The following LSAMP variants were observed in gnomAD, a reference collection of about 807,000 sequenced individuals.
LSAMP encodes the protein limbic system-associated membrane protein.
In LSAMP, 7 loss-of-function variants were observed where a neutral mutation model predicts 38.6. The ratio of observed to expected loss-of-function variants is 0.18; its 90% CI spans 0.10 to 0.34. LSAMP has a LOEUF of 0.34. LSAMP is among the 10% of genes least tolerant of loss of function. LSAMP has a pLI of 1.00. For missense variants in LSAMP, 313 were observed against 420.0 expected (o/e 0.75, Z 2.23); for synonymous variants, 154 against 166.8 (o/e 0.92, Z 0.59).
rs1352644063 is a variant in LSAMP, at chr3:116,431,816, G to C, written c.155+13061C>G. On this transcript the variant is annotated intron_variant, in intron 1 of 6. Coordinates refer to ENST00000490035, the MANE Select transcript of LSAMP (RefSeq NM_002338.5). Reference sequence around the variant, plus strand: ...TTAACAAATCACTAGATCTCTTTGTGACTTTGAAAGAAAATAGAAATTTAG... The same window carrying C: ...TTAACAAATCACTAGATCTCTTTGTCACTTTGAAAGAAAATAGAAATTTAG... Among the ~76,000 whole-genome samples the C allele has an allele frequency of 2.0e-5, 3 of 152,054 alleles. No homozygotes were observed. In the East Asian group the frequency reaches 5.8e-4, roughly 29 times the overall value.
At chr3:116,161,689 T>TC (rs1458529965) in intron 1 of LSAMP, among the ~76,000 whole-genome samples, 1 of 152,174 alleles carries the variant, frequency 6.6e-6, no homozygotes, top group African/African-American at 2.4e-5. Flanking sequence ...TTCCAAACTG[T>TC]CTACAGATGG....
chr3:115,839,258 TTTCTTTCCTTCCTTCCTTCC>T lies in LSAMP; in HGVS notation c.919+2567_919+2586del, dbSNP rs1429386012. Among the ~76,000 whole-genome samples, 813 of 105,210 alleles carry T rather than the reference TTTCTTTCCTTCCTTCCTTCC, an allele frequency of 7.7e-3. 21 individuals carry two copies. The highest frequency in any genetic ancestry group is 0.021 in the African/African-American group (611 of 28,474). The allele number at this position is 105,210 out of a possible 152,430, so 69.0% of individuals were successfully genotyped here. A position where few individuals can be genotyped will look rare whatever the true frequency, so the allele number is the denominator to read the frequency against. On this transcript the variant is annotated intron_variant, in intron 6 of 6. Transcript: ENST00000490035. ...CCTTCTTTCCTTCCTTCCTTCCTTC[TTTCTTTCCTTCCTTCCTTCC>T]TTCCTTCCTTCCTTCCTTCCTTCCT...
chr3:115,874,930 C>A (rs6783331), intron 3 of LSAMP, among the ~76,000 whole-genome samples: 29,359 of 151,750 alleles, frequency 0.19, 3,711 homozygotes, highest in African/African-American at 0.34. Context: ...AGAGAATGAA[C>A]GTTTTCCTCA....
intron 1 of LSAMP, among the ~76,000 whole-genome samples, chr3:116,426,188 A>G (rs574038790): frequency 2.6e-5 from 4 of 152,210 alleles, no homozygotes; most frequent in African/African-American, 9.6e-5. Context: ...ACCAGAAAGT[A>G]AGAACTCAAC....
At chr3:116,298,446 T>C (rs1274990676) in intron 1 of LSAMP, among the ~76,000 whole-genome samples, 2 of 150,068 alleles carry the variant, frequency 1.3e-5, no homozygotes, top group Non-Finnish European at 3.0e-5. Flanking sequence ...AAACTGGGAG[T>C]TAGGAGGCTT....
At chr3:116,113,520 G>A (rs981104110) in intron 1 of LSAMP, among the ~76,000 whole-genome samples, 99 of 139,592 alleles carry the variant, frequency 7.1e-4, no homozygotes, top group Middle Eastern at 7.7e-3. Flanking sequence ...CCGCCTCCCG[G>A]GTTCACGCCA....
At chr3:116,315,161 A>G (rs895340535) in intron 1 of LSAMP, among the ~76,000 whole-genome samples, 3 of 151,856 alleles carry the variant, frequency 2.0e-5, no homozygotes, top group African/African-American at 4.8e-5. Flanking sequence ...TATCCCCTCC[A>G]CCTGTATTGT....
intron 1 of LSAMP, among the ~76,000 whole-genome samples, chr3:116,256,861 AG>A (rs2046757804): frequency 6.6e-6 from 1 of 152,084 alleles, no homozygotes; most frequent in Admixed American, 6.5e-5. Flanking sequence ...ACGTGTCATG[AG>A]TGGCAAAAGC....
At chr3:115,949,860 C>G (rs974247703) in intron 3 of LSAMP, among the ~76,000 whole-genome samples, 1 of 151,748 alleles carries the variant, frequency 6.6e-6, no homozygotes, top group African/African-American at 2.4e-5. Flanking sequence ...ACTACTGAAT[C>G]CAACAGCATA....
intron 1 of LSAMP, among the ~76,000 whole-genome samples, chr3:116,241,128 G>T (rs1185223576): frequency 6.7e-6 from 1 of 150,250 alleles, no homozygotes; most frequent in Non-Finnish European, 1.5e-5. Flanking sequence ...GGTGAGCCAA[G>T]ATCGCACCAC....
intron 1 of LSAMP, among the ~76,000 whole-genome samples, chr3:116,223,986 C>T (rs2046316494): frequency 6.6e-6 from 1 of 152,010 alleles, no homozygotes; most frequent in Non-Finnish European, 1.5e-5. Context: ...AACTTTTCCC[C>T]TCAGTCTCTT....
At chr3:116,302,607 G>A (rs1005357852) in intron 1 of LSAMP, among the ~76,000 whole-genome samples, 4 of 152,188 alleles carry the variant, frequency 2.6e-5, no homozygotes, top group African/African-American at 9.7e-5. Context: ...AATATGAGTC[G>A]TATTTGATTT....
chr3:115,982,489 T>C (rs1939390740), intron 3 of LSAMP, among the ~76,000 whole-genome samples: 1 of 152,138 alleles, frequency 6.6e-6, no homozygotes, highest in South Asian at 2.1e-4. Flanking sequence ...AATCCTCAAA[T>C]TGCCCAAGAT....
intron 1 of LSAMP, among the ~76,000 whole-genome samples, chr3:116,375,068 G>T (rs1273929644): frequency 1.3e-5 from 2 of 151,940 alleles, no homozygotes; most frequent in Non-Finnish European, 2.9e-5. Context: ...ATATCATGAG[G>T]AACGAATCAG....
intron 2 of LSAMP, among the ~76,000 whole-genome samples, chr3:116,074,778 T>G (rs1469660031): frequency 6.6e-6 from 1 of 152,174 alleles, no homozygotes; most frequent in African/African-American, 2.4e-5. Context: ...GTTTGCCATT[T>G]CCATGTGTCC....
chr3:116,035,501 A>T (rs940866166), intron 2 of LSAMP, among the ~76,000 whole-genome samples: 6 of 152,184 alleles, frequency 3.9e-5, no homozygotes, highest in African/African-American at 1.4e-4. Flanking sequence ...CTTTACATAG[A>T]CGTGTGAATT....
chr3:116,280,886 A>T (rs1453060876), intron 1 of LSAMP, among the ~76,000 whole-genome samples: 2 of 152,194 alleles, frequency 1.3e-5, no homozygotes, highest in Non-Finnish European at 1.5e-5. Context: ...TTCTGACATA[A>T]CACCCATCTA....
intron 3 of LSAMP, among the ~76,000 whole-genome samples, chr3:115,896,035 C>T (rs113261080): frequency 8.3e-4 from 127 of 152,232 alleles, no homozygotes; most frequent in Non-Finnish European, 1.7e-3. Flanking sequence ...TGCCATTTCA[C>T]TAAATGTACC....
At chr3:116,318,075 G>T (rs943836099) in intron 1 of LSAMP, among the ~76,000 whole-genome samples, 4 of 146,138 alleles carry the variant, frequency 2.7e-5, no homozygotes, top group African/African-American at 1.0e-4. Context: ...GGCGGAGGTT[G>T]CAGTGAGCCA....
Sources: allele counts gnomAD v4.1 joint callset (sites outside exome capture counted in the v4.1 genomes callset), GRCh38; gene constraint gnomAD v4.1.1; transcripts MANE v1.5; gene names NCBI Gene and HGNC (gene_info 2026-07-23, HGNC 2026-07-21).